TBC1D8: variants seen among roughly 807,000 people sequenced by gnomAD.
The protein encoded by TBC1D8 is BUB2-like protein 1.
A neutral mutation model predicts 118.8 loss-of-function variants in TBC1D8; 65 were observed. That is an observed-to-expected ratio of 0.55 (90% CI 0.45 to 0.67). TBC1D8 has a LOEUF of 0.67. TBC1D8 is among the 30% of genes least tolerant of loss of function. The pLI, the probability that TBC1D8 is intolerant of heterozygous loss-of-function variation, is 0.00. For missense variants in TBC1D8, 1,376 were observed against 1,471.2 expected (o/e 0.94, Z 1.06); for synonymous variants, 566 against 595.8 (o/e 0.95, Z 0.73).
At chr2:101,065,678 T>A (rs968909091) in intron 2 of TBC1D8, among the ~76,000 whole-genome samples, 12 of 152,244 alleles carry the variant, frequency 7.9e-5, no homozygotes, top group Middle Eastern at 3.2e-3. Context: ...AAGCTTTAAA[T>A]GTTTCTTTTT....
chr2:101,058,002 C>T lies in TBC1D8; in HGVS notation c.402+1419G>A, dbSNP rs538819651. Among the ~76,000 whole-genome samples the T allele has an allele frequency of 5.8e-4, 88 of 152,306 alleles. 1 individual carries two copies. The highest frequency in any genetic ancestry group is 2.0e-3 in the African/African-American group (82 of 41,548). ...TTTTCTTCCTCCAAATTAAGAAGAG[C>T]AACACCTAAATCAAATAACCACTAC... On this transcript the variant is annotated intron_variant, in intron 3 of 19. Coordinates refer to ENST00000409318, the MANE Select transcript of TBC1D8 (RefSeq NM_001330348.2).
chr2:101,056,234 C>T (rs56190048), intron 3 of TBC1D8, among the ~76,000 whole-genome samples: 13,803 of 149,570 alleles, frequency 0.092, 1,855 homozygotes, highest in African/African-American at 0.29. Flanking sequence ...GAGACAGTCT[C>T]GCTCTGTCGC....
At chr2:101,115,799 T>G (rs1254164346) in intron 1 of TBC1D8, among the ~76,000 whole-genome samples, 2 of 151,716 alleles carry the variant, frequency 1.3e-5, no homozygotes, top group African/African-American at 4.8e-5. Flanking sequence ...ACACAGTACT[T>G]GTTTGCAAAA....
At chr2:101,141,794 T>G (rs1679110342) in intron 1 of TBC1D8, among the ~76,000 whole-genome samples, 1 of 144,424 alleles carries the variant, frequency 6.9e-6, no homozygotes, top group African/African-American at 2.6e-5. Flanking sequence ...AAACCACACA[T>G]GAAGGCGCGC....
At chr2:101,147,773 G>A (rs1679379510) in intron 1 of TBC1D8, among the ~76,000 whole-genome samples, 1 of 152,134 alleles carries the variant, frequency 6.6e-6, no homozygotes, top group Admixed American at 6.5e-5. Context: ...CCCTGGGAGA[G>A]AGGGCAGCAA....
At chr2:101,080,123 A>G (rs1573995868) in intron 2 of TBC1D8, among the ~76,000 whole-genome samples, 1 of 152,160 alleles carries the variant, frequency 6.6e-6, no homozygotes, top group South Asian at 2.1e-4. Context: ...AATGCCTTGG[A>G]TGAGTGTAAT....
At chr2:101,067,111 T>C (rs1473744220) in intron 2 of TBC1D8, among the ~76,000 whole-genome samples, 1 of 152,176 alleles carries the variant, frequency 6.6e-6, no homozygotes, top group Non-Finnish European at 1.5e-5. Flanking sequence ...CCAGTGGCTA[T>C]GGGAGGAAGG....
At position 101,120,639 on chromosome 2, in the gene TBC1D8, C is replaced by T. The variant is rs78888871; in HGVS notation, c.128-30275G>A. ...CCTGTCAGTGTCATTCATCAAAAAG[C>T]TAAATGCAAAAGGATACAAGGCCCA... On this transcript the variant is annotated intron_variant, in intron 1 of 19. Coordinates refer to ENST00000409318, the MANE Select transcript of TBC1D8 (RefSeq NM_001330348.2). 5.7e-3 allele frequency among the ~76,000 whole-genome samples: 863 copies of T among 152,302 alleles called. 4 individuals are homozygous for T. Among genetic ancestry groups the T allele is most frequent in the Non-Finnish European group, 9.5e-3 (647 of 68,022 alleles).
chr2:101,078,851 G>A (rs1675051940), intron 2 of TBC1D8, among the ~76,000 whole-genome samples: 1 of 151,674 alleles, frequency 6.6e-6, no homozygotes. Context: ...AAGAAAACGG[G>A]CAGAAGTGGT....
At chr2:101,062,995 T>C (rs975106109) in intron 2 of TBC1D8, among the ~76,000 whole-genome samples, 5 of 152,184 alleles carry the variant, frequency 3.3e-5, no homozygotes, top group Non-Finnish European at 5.9e-5. Flanking sequence ...CAGTTCTTGC[T>C]ATGGCTGGGC....
At chr2:101,139,919 T>A (rs1386412073) in intron 1 of TBC1D8, among the ~76,000 whole-genome samples, 1 of 152,168 alleles carries the variant, frequency 6.6e-6, no homozygotes, top group African/African-American at 2.4e-5. Flanking sequence ...CAATCACGAC[T>A]ACAAACTCCA....
At chr2:101,096,278 T>C (rs987027852) in intron 1 of TBC1D8, among the ~76,000 whole-genome samples, 2 of 151,942 alleles carry the variant, frequency 1.3e-5, no homozygotes, top group African/African-American at 4.8e-5. Flanking sequence ...CAAGGACACC[T>C]GAGGAATCTG....
intron 1 of TBC1D8, among the ~76,000 whole-genome samples, chr2:101,117,709 G>A (rs1444716469): frequency 6.6e-6 from 1 of 151,566 alleles, no homozygotes; most frequent in East Asian, 1.9e-4. Flanking sequence ...GAGTAGCTGG[G>A]ACTACAGGCG....
At chr2:101,135,545 G>A (rs910556141) in intron 1 of TBC1D8, among the ~76,000 whole-genome samples, 3 of 152,228 alleles carry the variant, frequency 2.0e-5, no homozygotes, top group African/African-American at 7.2e-5. Flanking sequence ...ACGTGGAGGC[G>A]CAGTTGGCGT....
chr2:101,008,948 T>C (rs1678961831), intron 19 of TBC1D8, among the ~76,000 whole-genome samples: 1 of 152,208 alleles, frequency 6.6e-6, no homozygotes, highest in Non-Finnish European at 1.5e-5. Context: ...GGGAAGGCCA[T>C]GCAGGACCTA....
chr2:101,065,338 T>G (rs920885392), intron 2 of TBC1D8, among the ~76,000 whole-genome samples: 4 of 152,238 alleles, frequency 2.6e-5, no homozygotes, highest in African/African-American at 4.8e-5. Context: ...ATGCCTGGGC[T>G]AAAAGCCATA....
Position 101,037,622 on chromosome 2 carries a change from C to T in TBC1D8, c.1362G>A (p.Glu454=). 2.5e-6 allele frequency: 4 copies of T among 1,613,974 alleles called. No homozygotes were observed. The highest frequency in any genetic ancestry group is 3.4e-6 in the Non-Finnish European group (4 of 1,179,904). The stretch of plus-strand genomic sequence containing the variant: ...TCAGCGGGCTCTTCTCTTTCTCACT[C>T]TCCTCGCTATTTTGAGAAGACATCA... ...LEMMSSQNSE[E]SEKEKSPLMH... is the part of the protein sequence containing the mutation. Residue 454 remains glutamate, a synonymous_variant, in exon 8 of 20, where the codon GAG becomes GAA. Coordinates refer to ENST00000409318, the MANE Select transcript of TBC1D8 (RefSeq NM_001330348.2).
At position 101,028,391 on chromosome 2, in the gene TBC1D8, G is replaced by A. The variant is rs1680474661; in HGVS notation, c.2264C>T (p.Pro755Leu). ...GAAAAAGGCATGGTGGCTGCCAACT[G>A]GGGGCCCTGGGCTGTCCTCATTCTT... ...HIKNEDSPGP[P>L]VGSHHAFFSD... Residue 755 changes from proline (P) to leucine (L), a missense_variant, in exon 13 of 20, where the codon CCA becomes CTA. By Grantham distance (98) the Pro-to-Leu change is moderately conservative (BLOSUM62 -3). Coordinates refer to ENST00000409318, the MANE Select transcript of TBC1D8 (RefSeq NM_001330348.2). 2 of 1,608,200 alleles carry A rather than the reference G, an allele frequency of 1.2e-6. No homozygotes were observed. Among genetic ancestry groups the A allele is most frequent in the African/African-American group, 2.7e-5 (2 of 74,986 alleles).
intron 8 of TBC1D8, 47 bp from the exon 9 acceptor site, chr2:101,036,215 A>AC (rs755421965): frequency 1.3e-6 from 2 of 1,573,444 alleles, no homozygotes; most frequent in African/African-American, 2.7e-5. Flanking sequence ...TGTCCTCACC[A>AC]CCCCCCACCC....
Sources: allele counts gnomAD v4.1 joint callset (sites outside exome capture counted in the v4.1 genomes callset), GRCh38; gene constraint gnomAD v4.1.1; transcripts MANE v1.5; gene names NCBI Gene and HGNC (gene_info 2026-07-23, HGNC 2026-07-21).